CENPU: variants seen among roughly 807,000 people sequenced by gnomAD.
CENPU encodes the protein KSHV latent nuclear antigen interacting protein 1.
CENPU carries 46 observed loss-of-function variants against 56.7 expected under a neutral mutation model. The ratio of observed to expected loss-of-function variants is 0.81; its 90% CI spans 0.64 to 1.04. The LOEUF (loss-of-function observed/expected upper bound fraction) is 1.04. Ranked by LOEUF, CENPU falls within the 50% of genes least tolerant of loss-of-function variation. The probability of loss-of-function intolerance (pLI) is 0.00; values close to 1 mark genes in which losing one functional copy is unlikely to be tolerated. For synonymous variants in CENPU, 166 were observed against 163.0 expected, an observed-to-expected ratio of 1.02 and a Z score of -0.14; for missense variants, 510 against 490.1, an observed-to-expected ratio of 1.04 and a Z score of -0.38.
At chr4:184,699,667 T>A in intron 11 of CENPU, 6 of 1,215,842 alleles carry the variant, frequency 4.9e-6, no homozygotes, top group South Asian at 3.9e-5. Context: ...TGGCAGTCTC[T>A]CTTTTTTTTT....
chr4:184,723,991 G>A (rs934873435), intron 4 of CENPU, among the ~76,000 whole-genome samples: 2 of 151,138 alleles, frequency 1.3e-5, no homozygotes, highest in Non-Finnish European at 3.0e-5. Context: ...TTGGCCGGGT[G>A]CAGTGGCTGA....
At chr4:184,719,810 C>T (rs1761215461) in intron 4 of CENPU, among the ~76,000 whole-genome samples, 1 of 152,186 alleles carries the variant, frequency 6.6e-6, no homozygotes, top group Non-Finnish European at 1.5e-5. Context: ...AGCTCAGCCA[C>T]AGTAGCATAG....
At chr4:184,730,064 G>A (rs1048928968) in intron 2 of CENPU, among the ~76,000 whole-genome samples, 7 of 152,186 alleles carry the variant, frequency 4.6e-5, no homozygotes, top group African/African-American at 1.7e-4. Flanking sequence ...CCCTCCCAAG[G>A]CATAGGGGGC....
intron 2 of CENPU, 53 bp from the exon 3 acceptor site, chr4:184,729,088 G>A: frequency 2.3e-6 from 3 of 1,318,974 alleles, no homozygotes; most frequent in Non-Finnish European, 2.2e-6. Flanking sequence ...AGAACAATAG[G>A]TTGATTTATA....
chr4:184,723,736 G>A (rs577957345), intron 4 of CENPU, among the ~76,000 whole-genome samples: 19 of 151,220 alleles, frequency 1.3e-4, no homozygotes, highest in Middle Eastern at 6.8e-3. Flanking sequence ...CAAGCTACTC[G>A]GGAGGGTGAG....
intron 3 of CENPU, among the ~76,000 whole-genome samples, chr4:184,727,286 G>T (rs1050030020): frequency 6.6e-6 from 1 of 152,146 alleles, no homozygotes; most frequent in Non-Finnish European, 1.5e-5. Context: ...GGGGAGGGAA[G>T]AATGGGAAGT....
At chr4:184,713,698 T>C (rs1271427719) in intron 6 of CENPU, among the ~76,000 whole-genome samples, 2 of 152,128 alleles carry the variant, frequency 1.3e-5, no homozygotes, top group African/African-American at 4.8e-5. Flanking sequence ...GGCAATTTTA[T>C]TCAGGCACTG....
chr4:184,710,918 C>G (rs952306693), intron 7 of CENPU, among the ~76,000 whole-genome samples: 2 of 152,110 alleles, frequency 1.3e-5, no homozygotes, highest in African/African-American at 4.8e-5. Context: ...TGCAGTAGCA[C>G]GCTCACCACT....
chr4:184,695,251 A>G lies in CENPU; in HGVS notation c.*37T>C, dbSNP rs1342743709. 2 of 1,324,554 alleles carry G rather than the reference A, an allele frequency of 1.5e-6. No individual in the cohort carries two copies. Among genetic ancestry groups the G allele is most frequent in the South Asian group, 2.3e-5 (2 of 85,192 alleles). The allele number at this position is 1,324,554 out of a possible 1,614,324, so 82.1% of individuals were successfully genotyped here. A position where few individuals can be genotyped will look rare whatever the true frequency, so the allele number is the denominator to read the frequency against. On this transcript the variant is annotated 3_prime_UTR_variant, in exon 13 of 13. Coordinates refer to ENST00000281453, the MANE Select transcript of CENPU (RefSeq NM_024629.4). ...TTTCAGAAGGTAACAGCATGAGACT[A>G]GTCTTCCTATAGGCACATTTTAGTA...
chr4:184,700,727 T>C (rs1760506334), intron 11 of CENPU, 93 bp downstream of exon 11: 1 of 1,112,780 alleles, frequency 9.0e-7, no homozygotes. Flanking sequence ...GGGGCTTTAA[T>C]ACATCACAGC....
intron 1 of CENPU, among the ~76,000 whole-genome samples, chr4:184,731,881 C>CTGTGTGTGTGTGTGTGTGTGTGTGTG (rs1491100516): frequency 3.5e-4 from 9 of 25,576 alleles, no homozygotes; most frequent in African/African-American, 1.0e-3. Context: ...TACTCATGTG[C>CTGTGTGTGTGTGTGTGTGTGTGTGTG]TCTGTGTGTG....
chr4:184,698,553 T>G (rs1201957122), intron 11 of CENPU, among the ~76,000 whole-genome samples: 1 of 152,066 alleles, frequency 6.6e-6, no homozygotes, highest in Non-Finnish European at 1.5e-5. Context: ...CAGGTTCAAG[T>G]GATTCTCCTG....
intron 2 of CENPU, among the ~76,000 whole-genome samples, 196 bp from the exon 3 acceptor site, chr4:184,729,231 CA>C (rs1257390447): frequency 6.6e-6 from 1 of 152,162 alleles, no homozygotes; most frequent in East Asian, 1.9e-4. Context: ...TCAGACCCCA[CA>C]AATGTGTACA....
At chr4:184,726,764 T>C (rs1322212772) in intron 3 of CENPU, among the ~76,000 whole-genome samples, 1 of 151,990 alleles carries the variant, frequency 6.6e-6, no homozygotes. Flanking sequence ...AAAAATAAAA[T>C]GTGGTACATA....
At chr4:184,715,238 T>C (rs1258641122) in intron 6 of CENPU, among the ~76,000 whole-genome samples, 2 of 152,222 alleles carry the variant, frequency 1.3e-5, no homozygotes, top group Non-Finnish European at 2.9e-5. Context: ...ATTTATTCAA[T>C]TAAGCCCAAA....
chr4:184,729,059 A>AT (rs774265500), intron 2 of CENPU, 24 bp from the exon 3 acceptor site: 15 of 1,549,912 alleles, frequency 9.7e-6, no homozygotes, highest in Non-Finnish European at 1.2e-5. Context: ...AAGTTGAGTC[A>AT]TTGAGTTGGC....
intron 3 of CENPU, among the ~76,000 whole-genome samples, chr4:184,726,075 A>AGTTT (rs1347348347): frequency 6.6e-6 from 1 of 152,164 alleles, no homozygotes; most frequent in African/African-American, 2.4e-5. Context: ...TTTTCAACTA[A>AGTTT]ACAGCTGCTT....
rs1026856740 is a variant in CENPU, at chr4:184,725,118, C to T, written c.215-56G>A. The T allele has an allele frequency of 2.7e-6, 3 of 1,103,678 alleles. No individual in the cohort carries two copies. In the African/African-American group the frequency reaches 4.7e-5, roughly 17 times the overall value. The allele number at this position is 1,103,678 out of a possible 1,614,324, so 68.4% of individuals were successfully genotyped here. A position where few individuals can be genotyped will look rare whatever the true frequency, so the allele number is the denominator to read the frequency against. The stretch of plus-strand genomic sequence containing the variant: ...TAAAAGTCTGGCTATTTGGGCAGTA[C>T]TGTAGTTTATTCCCTTACAATGGAG... On this transcript the variant is annotated intron_variant, in intron 3 of 12. Coordinates refer to ENST00000281453, the MANE Select transcript of CENPU (RefSeq NM_024629.4).
chr4:184,713,207 A>G (rs1215035590), intron 6 of CENPU, among the ~76,000 whole-genome samples, 194 bp from the exon 7 acceptor site: 10 of 152,118 alleles, frequency 6.6e-5, no homozygotes, highest in African/African-American at 2.2e-4. Flanking sequence ...CCTGGCCAAC[A>G]TGGTGAAACC....
Sources: allele counts gnomAD v4.1 joint callset (sites outside exome capture counted in the v4.1 genomes callset), GRCh38; gene constraint gnomAD v4.1.1; transcripts MANE v1.5; gene names NCBI Gene and HGNC (gene_info 2026-07-23, HGNC 2026-07-21).